The following RDX variants were observed in gnomAD, a reference collection of about 807,000 sequenced individuals.
The protein encoded by RDX is radixin.
Under a neutral mutation model 83.7 loss-of-function variants are expected in RDX, and 32 were observed. The observed-to-expected ratio is 0.38, with a 90% CI of 0.29 to 0.51. RDX has a LOEUF of 0.51. RDX is among the 20% of genes least tolerant of loss of function. RDX has a pLI of 0.87. For missense variants in RDX, 600 were observed against 689.9 expected (o/e 0.87, Z 1.46); for synonymous variants, 229 against 222.7 (o/e 1.03, Z -0.25).
chr11:110,182,003 C>G (rs372099112), intron 15 of RDX, among the ~76,000 whole-genome samples: 1 of 152,200 alleles, frequency 6.6e-6, no homozygotes, highest in East Asian at 1.9e-4. Flanking sequence ...CCTGTTCCTC[C>G]CTCGGCCACC....
Position 110,264,188 on chromosome 11 carries a change from A to C in RDX, c.239T>G (p.Phe80Cys). ...ATCTTCAGGAAAGAATTTAGCTCTA[A>C]ACTTGAACTGTAAAGGATTCTCTTT... ...VKKENPLQFK[F>C]RAKFFPEDVS... Residue 80 changes from phenylalanine to cysteine, a missense_variant, in exon 5 of 14, where the codon TTT (phenylalanine) becomes TGT (cysteine). Coordinates refer to ENST00000645495, the MANE Select transcript of RDX (RefSeq NM_002906.4). 1 of 1,611,698 alleles carries C rather than the reference A, an allele frequency of 6.2e-7. No individual in the cohort carries two copies. The highest frequency in any genetic ancestry group is 1.1e-5 in the South Asian group (1 of 90,930).
intron 1 of RDX, among the ~76,000 whole-genome samples, chr11:110,288,866 C>CT (rs1211832635): frequency 6.6e-6 from 1 of 152,046 alleles, no homozygotes; most frequent in Admixed American, 6.6e-5. Context: ...AGTTTCCTCT[C>CT]TTTTTTTATG....
At chr11:110,294,924 A>T (rs189008398) in intron 1 of RDX, among the ~76,000 whole-genome samples, 1 of 152,320 alleles carries the variant, frequency 6.6e-6, no homozygotes, top group Admixed American at 6.5e-5. Context: ...TCATTTAAAT[A>T]AAACTGTAAA....
intron 9 of RDX, among the ~76,000 whole-genome samples, chr11:110,248,466 G>A (rs1488879495): frequency 1.3e-5 from 2 of 152,050 alleles, no homozygotes; most frequent in South Asian, 2.1e-4. Flanking sequence ...AGACCACTGA[G>A]ACTATTTTTA....
At chr11:110,293,042 T>C (rs1861307735) in intron 1 of RDX, among the ~76,000 whole-genome samples, 1 of 152,226 alleles carries the variant, frequency 6.6e-6, no homozygotes, top group Admixed American at 6.5e-5. Context: ...AGAATTAGCG[T>C]AGGGAATTCT....
chr11:110,237,656 T>C lies in RDX; in HGVS notation c.1091-4A>G. 1 of 1,613,956 alleles carries C rather than the reference T, an allele frequency of 6.2e-7. No homozygotes were observed. The highest frequency in any genetic ancestry group is 8.5e-7 in the Non-Finnish European group (1 of 1,179,802). Reference sequence around the variant, plus strand: ...TTTCGAGTCTGTTCTTCTAGTTCTATGAAATATGTGTATTCCCCCCAACAG... The same window carrying C: ...TTTCGAGTCTGTTCTTCTAGTTCTACGAAATATGTGTATTCCCCCCAACAG... On this transcript the variant is annotated splice_polypyrimidine_tract_variant and splice_region_variant and intron_variant, in intron 10 of 13. Coordinates refer to ENST00000645495, the MANE Select transcript of RDX (RefSeq NM_002906.4).
intron 7 of RDX, among the ~76,000 whole-genome samples, chr11:110,256,621 T>A (rs962153607): frequency 1.3e-5 from 2 of 152,120 alleles, no homozygotes; most frequent in African/African-American, 4.8e-5. Flanking sequence ...ACGCCTGTAA[T>A]CTCAGCACTG....
chr11:110,251,403 T>C (rs1201319341), intron 9 of RDX, among the ~76,000 whole-genome samples: 3 of 152,186 alleles, frequency 2.0e-5, no homozygotes, highest in African/African-American at 7.2e-5. Context: ...ACCGGGTACT[T>C]TGCTAAATGC....
intron 3 of RDX, among the ~76,000 whole-genome samples, chr11:110,270,753 T>C (rs1479579089): frequency 6.6e-6 from 1 of 152,232 alleles, no homozygotes; most frequent in East Asian, 1.9e-4. Flanking sequence ...AATGGTTTCA[T>C]TTTCCTGTAT....
At chr11:110,273,931 T>C (rs1479065358) in intron 2 of RDX, among the ~76,000 whole-genome samples, 2 of 152,200 alleles carry the variant, frequency 1.3e-5, no homozygotes, top group Non-Finnish European at 2.9e-5. Flanking sequence ...TGTATCTTTT[T>C]CCATCAGCCT....
chr11:110,194,345 G>A (rs1213471927), intron 15 of RDX, among the ~76,000 whole-genome samples: 1 of 152,122 alleles, frequency 6.6e-6, no homozygotes, highest in Non-Finnish European at 1.5e-5. Context: ...TCGGTCTCCC[G>A]AGCAGCTGGG....
chr11:110,286,661 C>G (rs946846914), intron 1 of RDX, among the ~76,000 whole-genome samples: 1 of 152,160 alleles, frequency 6.6e-6, no homozygotes, highest in Non-Finnish European at 1.5e-5. Flanking sequence ...TCTGCCTTTT[C>G]GGACTTAGAA....
chr11:110,280,519 G>C (rs1486819507), intron 1 of RDX, among the ~76,000 whole-genome samples: 2 of 152,226 alleles, frequency 1.3e-5, no homozygotes, highest in Admixed American at 6.5e-5. Context: ...AAAGTGCTAG[G>C]ATTACAGGCA....
At chr11:110,195,730 T>C (rs1221224336) in intron 15 of RDX, 1 of 152,180 alleles carries the variant, frequency 6.6e-6, no homozygotes, top group Non-Finnish European at 1.5e-5. Context: ...GTCACATACA[T>C]TTTTTGAAAA....
intron 9 of RDX, among the ~76,000 whole-genome samples, chr11:110,252,626 C>A (rs949320017): frequency 2.0e-5 from 3 of 151,962 alleles, no homozygotes; most frequent in African/African-American, 7.3e-5. Context: ...AAATGCAAGG[C>A]TATGTGTATA....
In RDX at chr11:110,247,804, CTT is replaced by C. The variant is rs1418703592; in HGVS notation, c.987_988del (p.Glu331AsnfsTer12). On this transcript the variant is annotated frameshift_variant, in exon 10 of 14. Coordinates refer to ENST00000645495, the MANE Select transcript of RDX (RefSeq NM_002906.4). LOFTEE classifies it high-confidence loss of function. ...TTCCTTTTCCTTTTCTGCTATTTCT[CTT>C]TTCTTCTTTTCATTCTCTAATTGTG... The C allele has an allele frequency of 1.9e-6, 3 of 1,579,634 alleles. No individual in the cohort carries two copies. The highest frequency in any genetic ancestry group is 1.3e-5 in the African/African-American group (1 of 74,274).
chr11:110,223,003 C>CT (rs1312630428), intron 14 of RDX, among the ~76,000 whole-genome samples: 2 of 152,110 alleles, frequency 1.3e-5, no homozygotes, highest in African/African-American at 4.8e-5. Flanking sequence ...CTATTATTTA[C>CT]TTTTACATAC....
At chr11:110,208,247 A>G (rs911582761) in intron 14 of RDX, among the ~76,000 whole-genome samples, 1 of 152,236 alleles carries the variant, frequency 6.6e-6, no homozygotes, top group African/African-American at 2.4e-5. Flanking sequence ...TGACTGGTAC[A>G]TTTCAATGAA....
intron 8 of RDX, 126 bp downstream of exon 8, chr11:110,255,163 C>A (rs1056815269): frequency 5.0e-6 from 3 of 597,220 alleles, no homozygotes; most frequent in African/African-American, 3.8e-5. Flanking sequence ...GGAAAGCTGA[C>A]CTATGGAAAG....
Sources: gnomAD v4.1 joint callset for allele counts (sites outside exome capture counted in the v4.1 genomes callset) on GRCh38, gnomAD v4.1.1 for gene constraint, MANE v1.5 for transcripts, NCBI Gene and HGNC (gene_info 2026-07-23, HGNC 2026-07-21) for gene names.